Variants in CCDC66 observed in about 807,000 individuals in gnomAD.
CCDC66 encodes coiled-coil domain containing 66.
A neutral mutation model predicts 128.3 loss-of-function variants in CCDC66; 133 were observed. The observed-to-expected ratio is 1.04, with a 90% confidence interval of 0.90 to 1.20. CCDC66 has a LOEUF of 1.20. CCDC66 is among the 50% of genes most tolerant of loss of function. The probability of loss-of-function intolerance (pLI) is 0.00; values close to 1 mark genes in which losing one functional copy is unlikely to be tolerated. For synonymous variants in CCDC66, 387 were observed against 357.0 expected (o/e 1.08, Z -0.95); for missense variants, 1,126 against 1,075.5 (o/e 1.05, Z -0.66).
intron 7 of CCDC66, among the ~76,000 whole-genome samples, chr3:56,583,886 GC>G (rs1244928774): frequency 7.2e-6 from 1 of 138,296 alleles, no homozygotes; most frequent in Non-Finnish European, 1.6e-5. Flanking sequence ...GGGCAGAGGC[GC>G]CCCCCACCTC....
At chr3:56,560,191 A>G (rs2064908844) in intron 3 of CCDC66, among the ~76,000 whole-genome samples, 1 of 152,158 alleles carries the variant, frequency 6.6e-6, no homozygotes, top group South Asian at 2.1e-4. Context: ...TTCCCTTATC[A>G]GAAATCTATT....
intron 7 of CCDC66, chr3:56,572,565 T>TCATTTACCTTCATTTCTTTTTTA (rs2066785522): frequency 3.7e-5 from 2 of 54,162 alleles, no homozygotes; most frequent in Non-Finnish European, 9.2e-5. Flanking sequence ...GTATTATGCT[T>TCATTTACCTTCATTTCTTTTTTA]CATTTGCTAT....
intron 10 of CCDC66, among the ~76,000 whole-genome samples, chr3:56,597,696 A>T (rs1157923452): frequency 6.9e-6 from 1 of 144,632 alleles, no homozygotes; most frequent in South Asian, 2.2e-4. Context: ...TGATTTTTGT[A>T]TGTTGATTTT....
intron 7 of CCDC66, among the ~76,000 whole-genome samples, chr3:56,588,499 C>G (rs1419985299): frequency 1.3e-5 from 2 of 152,110 alleles, no homozygotes; most frequent in Non-Finnish European, 1.5e-5. Flanking sequence ...CCATTACTTT[C>G]AATGGCAAAA....
chr3:56,612,551 G>A (rs2074987388), intron 10 of CCDC66, among the ~76,000 whole-genome samples: 1 of 152,124 alleles, frequency 6.6e-6, no homozygotes, highest in Non-Finnish European at 1.5e-5. Context: ...TTGGGTGGGT[G>A]AGTAGGTTTT....
intron 7 of CCDC66, among the ~76,000 whole-genome samples, chr3:56,589,414 C>A (rs1423595860): frequency 2.0e-5 from 3 of 151,876 alleles, no homozygotes; most frequent in Non-Finnish European, 4.4e-5. Context: ...AAACCTGATA[C>A]CCAAAACTAA....
intron 10 of CCDC66, among the ~76,000 whole-genome samples, chr3:56,598,189 G>A (rs1358871899): frequency 6.6e-6 from 1 of 151,182 alleles, no homozygotes; most frequent in Non-Finnish European, 1.5e-5. Context: ...TTTTGAGACA[G>A]CTCTGTCACC....
At chr3:56,578,436 C>T (rs552386235) in intron 7 of CCDC66, among the ~76,000 whole-genome samples, 2 of 151,862 alleles carry the variant, frequency 1.3e-5, no homozygotes, top group South Asian at 2.1e-4. Context: ...CCAGAACTTC[C>T]AATACTATGT....
Position 56,611,290 on chromosome 3 carries a change from G to T in CCDC66, c.1405-2299G>T, listed in dbSNP as rs539110499. On this transcript the variant is annotated intron_variant, in intron 10 of 17. Coordinates refer to ENST00000394672, the MANE Select transcript of CCDC66 (RefSeq NM_001141947.3). ...ATGAGATTCCCAGGTCACTGGAGTA[G>T]TGTACCTAGGAGGATTATGGCTGCC... 2.6e-5 allele frequency among the ~76,000 whole-genome samples: 4 copies of T among 152,094 alleles called. No homozygotes were observed. In the South Asian group the frequency reaches 8.3e-4, roughly 32 times the overall value.
intron 6 of CCDC66, among the ~76,000 whole-genome samples, chr3:56,568,363 C>T (rs1482346767): frequency 6.6e-6 from 1 of 152,178 alleles, no homozygotes; most frequent in Admixed American, 6.5e-5. Context: ...CCAAAATGCA[C>T]AGATGCTCAT....
intron 16 of CCDC66, 29 bp from the exon 17 acceptor site, chr3:56,619,748 A>G: frequency 5.0e-6 from 8 of 1,611,502 alleles, no homozygotes; most frequent in Non-Finnish European, 6.8e-6. Flanking sequence ...AATGTAATTG[A>G]CTGACTTGTT....
At chr3:56,615,304 A>G in intron 12 of CCDC66, 32 bp downstream of exon 12, 2 of 1,558,020 alleles carry the variant, frequency 1.3e-6, no homozygotes, top group Non-Finnish European at 1.7e-6. Context: ...TATTTATAAT[A>G]TTTTTAGAAG....
chr3:56,620,252 G>A lies in CCDC66; in HGVS notation c.2760+351G>A, dbSNP rs556101726. ...ACAAATTCTTAGCAATGTGGCCCAC[G>A]CTTTTTAAAAAATTGACGTGTTGGC... On this transcript the variant is annotated intron_variant, in intron 17 of 17. Coordinates refer to ENST00000394672, the MANE Select transcript of CCDC66 (RefSeq NM_001141947.3). The A allele has an allele frequency of 9.5e-5, 15 of 158,326 alleles. No homozygotes were observed. In the East Asian group the frequency reaches 2.5e-3, roughly 27 times the overall value. 9.8% of individuals were successfully genotyped at this position (158,326 alleles called of 1,614,324 possible).
intron 7 of CCDC66, among the ~76,000 whole-genome samples, chr3:56,582,826 C>T (rs1490527681): frequency 6.9e-6 from 1 of 144,770 alleles, no homozygotes; most frequent in Non-Finnish European, 1.5e-5. Context: ...CATATCTTTC[C>T]CTTTTTTGAC....
chr3:56,584,008 G>A (rs1315402371), intron 7 of CCDC66, among the ~76,000 whole-genome samples: 10 of 113,268 alleles, frequency 8.8e-5, no homozygotes, highest in African/African-American at 1.6e-4. Flanking sequence ...GCGGCTGGCC[G>A]GGCGGGGGGC....
At chr3:56,613,128 C>A (rs1180514689) in intron 10 of CCDC66, among the ~76,000 whole-genome samples, 1 of 152,116 alleles carries the variant, frequency 6.6e-6, no homozygotes, top group African/African-American at 2.4e-5. Flanking sequence ...CAAAATAGTG[C>A]CATGCTACAG....
chr3:56,564,166 A>T (rs938966971), intron 4 of CCDC66, 41 bp downstream of exon 4: 1 of 1,478,160 alleles, frequency 6.8e-7, no homozygotes, highest in Non-Finnish European at 9.2e-7. Context: ...TGATTTTTTC[A>T]ATATGTGTTT....
chr3:56,576,337 G>A (rs958231219), intron 7 of CCDC66, among the ~76,000 whole-genome samples: 8 of 147,458 alleles, frequency 5.4e-5, no homozygotes, highest in African/African-American at 2.0e-4. Context: ...TTATTCCTAA[G>A]TATTTTTTCT....
At chr3:56,584,129 C>T (rs1381318239) in intron 7 of CCDC66, among the ~76,000 whole-genome samples, 2 of 144,506 alleles carry the variant, frequency 1.4e-5, no homozygotes, top group African/African-American at 2.5e-5. Context: ...ACCTCCCTCC[C>T]GGACGGGGCG....
Sources: allele counts gnomAD v4.1 joint callset (sites outside exome capture counted in the v4.1 genomes callset), GRCh38; gene constraint gnomAD v4.1.1; transcripts MANE v1.5; gene names NCBI Gene and HGNC (gene_info 2026-07-23, HGNC 2026-07-21).